Variants in TEAD1 observed in about 807,000 individuals in gnomAD.
TEAD1 encodes transcriptional enhancer factor TEF-1.
In TEAD1, 9 loss-of-function variants were observed where a neutral mutation model predicts 54.9. The observed-to-expected ratio is 0.16, with a 90% CI of 0.10 to 0.29. TEAD1 has a LOEUF of 0.29. Ranked by LOEUF, TEAD1 falls within the 10% of genes least tolerant of loss-of-function variation. The pLI, the probability that TEAD1 is intolerant of heterozygous loss-of-function variation, is 1.00. For missense variants in TEAD1, 387 were observed against 535.9 expected (o/e 0.72, Z 2.74); for synonymous variants, 200 against 187.8 (o/e 1.07, Z -0.53).
intron 10 of TEAD1, chr11:12,922,604 C>T (rs1283938790): frequency 6.6e-6 from 1 of 151,960 alleles, no homozygotes; most frequent in Non-Finnish European, 1.5e-5. Context: ...TGGTTAGTGC[C>T]TGTCAAGGTA....
chr11:12,898,064 G>A (rs1948346780), intron 9 of TEAD1, among the ~76,000 whole-genome samples: 1 of 152,168 alleles, frequency 6.6e-6, no homozygotes, highest in Non-Finnish European at 1.5e-5. Flanking sequence ...GCAGCGTCAT[G>A]AGGCAAAGAT....
At chr11:12,691,898 ACTT>A (rs1223017670) in intron 2 of TEAD1, among the ~76,000 whole-genome samples, 3 of 152,148 alleles carry the variant, frequency 2.0e-5, no homozygotes, top group East Asian at 3.9e-4. Context: ...TAAGCTTTGT[ACTT>A]CTTCTCCAAA....
intron 11 of TEAD1, among the ~76,000 whole-genome samples, chr11:12,928,250 A>C (rs1313658260): frequency 1.3e-5 from 2 of 150,834 alleles, no homozygotes; most frequent in East Asian, 1.9e-4. Flanking sequence ...ATTACATTTC[A>C]TAAGTAATAT....
At chr11:12,797,320 A>G (rs961018464) in intron 3 of TEAD1, among the ~76,000 whole-genome samples, 3 of 152,114 alleles carry the variant, frequency 2.0e-5, no homozygotes, top group African/African-American at 7.2e-5. Context: ...TTGGACAATC[A>G]CAGAATGTGG....
At chr11:12,759,757 A>T (rs758087385) in intron 2 of TEAD1, among the ~76,000 whole-genome samples, 1 of 152,106 alleles carries the variant, frequency 6.6e-6, no homozygotes, top group Non-Finnish European at 1.5e-5. Context: ...AGCTACTTGG[A>T]AGGCTGAGGC....
chr11:12,791,914 A>G (rs1945810283), intron 3 of TEAD1, among the ~76,000 whole-genome samples: 1 of 152,218 alleles, frequency 6.6e-6, no homozygotes, highest in Non-Finnish European at 1.5e-5. Flanking sequence ...AAACATCTAA[A>G]TGCACCATAG....
chr11:12,875,096 C>T (rs1947828553), intron 5 of TEAD1, among the ~76,000 whole-genome samples: 1 of 152,188 alleles, frequency 6.6e-6, no homozygotes, highest in Non-Finnish European at 1.5e-5. Flanking sequence ...CAGCATCAAA[C>T]AATGTGCTCA....
At chr11:12,831,820 A>G (rs1433497978) in intron 3 of TEAD1, among the ~76,000 whole-genome samples, 5 of 152,066 alleles carry the variant, frequency 3.3e-5, no homozygotes, top group Non-Finnish European at 7.4e-5. Context: ...TTTGCCTATA[A>G]TATTTATATT....
At chr11:12,931,546 A>T (rs573131241) in intron 12 of TEAD1, among the ~76,000 whole-genome samples, 12 of 152,296 alleles carry the variant, frequency 7.9e-5, no homozygotes, top group African/African-American at 2.9e-4. Context: ...AGTGGCTTTC[A>T]ATCAGCAGTG....
chr11:12,745,656 G>C (rs1252451797), intron 2 of TEAD1, among the ~76,000 whole-genome samples: 3 of 143,068 alleles, frequency 2.1e-5, no homozygotes, highest in African/African-American at 8.0e-5. Flanking sequence ...CTTATAATAC[G>C]TGCAACCCTG....
chr11:12,814,888 C>T (rs555891074), intron 3 of TEAD1, among the ~76,000 whole-genome samples: 5 of 151,776 alleles, frequency 3.3e-5, no homozygotes, highest in African/African-American at 9.7e-5. Flanking sequence ...TGTGTGCACG[C>T]GTCCCGGAGC....
intron 10 of TEAD1, among the ~76,000 whole-genome samples, chr11:12,905,895 A>G (rs946515752): frequency 4.6e-5 from 7 of 152,176 alleles, no homozygotes; most frequent in Non-Finnish European, 1.0e-4. Context: ...TTTGCTATGG[A>G]AGAATACTAT....
intron 2 of TEAD1, among the ~76,000 whole-genome samples, chr11:12,688,782 G>A (rs1165768570): frequency 2.0e-5 from 3 of 152,240 alleles, no homozygotes; most frequent in South Asian, 2.1e-4. Context: ...GAAATATAGC[G>A]AATGACCCAC....
intron 3 of TEAD1, among the ~76,000 whole-genome samples, chr11:12,844,214 A>C (rs987713229): frequency 3.3e-5 from 5 of 152,178 alleles, no homozygotes; most frequent in African/African-American, 7.2e-5. Flanking sequence ...CAAGGTCTTT[A>C]TGGTAGTGCC....
At chr11:12,884,136 C>A (rs1001314953) in intron 9 of TEAD1, among the ~76,000 whole-genome samples, 5 of 152,136 alleles carry the variant, frequency 3.3e-5, no homozygotes, top group African/African-American at 9.7e-5. Context: ...CTCCCCCACC[C>A]CCATCTTGTA....
intron 2 of TEAD1, among the ~76,000 whole-genome samples, chr11:12,692,381 C>G (rs1007418265): frequency 4.6e-5 from 7 of 152,184 alleles, no homozygotes; most frequent in Non-Finnish European, 1.5e-5. Context: ...GCAGCCAACA[C>G]AGTCTCATGA....
intron 9 of TEAD1, among the ~76,000 whole-genome samples, chr11:12,884,620 A>G (rs1311291185): frequency 2.6e-5 from 4 of 152,192 alleles, no homozygotes; most frequent in African/African-American, 9.7e-5. Context: ...GTCTTTGTCC[A>G]CAAATCATGA....
chr11:12,891,509 A>G (rs1948197027), intron 9 of TEAD1, among the ~76,000 whole-genome samples: 1 of 152,234 alleles, frequency 6.6e-6, no homozygotes, highest in Non-Finnish European at 1.5e-5. Context: ...GAGGAGGATA[A>G]ATGGTAATGA....
intron 2 of TEAD1, among the ~76,000 whole-genome samples, chr11:12,681,583 A>G (rs553865761): frequency 1.3e-5 from 2 of 152,170 alleles, no homozygotes; most frequent in Non-Finnish European, 2.9e-5. Flanking sequence ...TGGTAGGGGA[A>G]CTCTTGCCTC....
Sources: gnomAD v4.1 joint callset for allele counts (sites outside exome capture counted in the v4.1 genomes callset) on GRCh38, gnomAD v4.1.1 for gene constraint, MANE v1.5 for transcripts, NCBI Gene and HGNC (gene_info 2026-07-23, HGNC 2026-07-21) for gene names.